Variants in ZNF433 observed in about 807,000 individuals in gnomAD.
The protein encoded by ZNF433 is zinc finger protein 433.
A neutral mutation model predicts 10.6 loss-of-function variants in ZNF433; 12 were observed. The observed-to-expected ratio is 1.13, with a 90% confidence interval of 0.72 to 1.83. The LOEUF (loss-of-function observed/expected upper bound fraction) is 1.83. Ranked by LOEUF, ZNF433 falls within the 40% of genes most tolerant of loss-of-function variation. The pLI is 0.00. For synonymous variants in ZNF433, 272 were observed against 271.3 expected, an observed-to-expected ratio of 1.00 and a Z score of -0.02; for missense variants, 737 against 798.0, an observed-to-expected ratio of 0.92 and a Z score of 0.92.
Position 12,016,443 on chromosome 19 carries a change from A to G in ZNF433, c.415T>C (p.Tyr139His). 6.2e-7 allele frequency: 1 copy of G among 1,614,104 alleles called. No homozygotes were observed. Among genetic ancestry groups the G allele is most frequent in the Non-Finnish European group, 8.5e-7 (1 of 1,180,020 alleles). Reference protein sequence around the residue: ...YEYQEYGQKPYKCKYCKKPFN... With the variant: ...YEYQEYGQKPHKCKYCKKPFN... ...GGTTTTTTACAGTATTTACATTTATATGGTTTCTGTCCATATTCTTGATAC... is the reference window on the plus strand; with the variant it reads ...GGTTTTTTACAGTATTTACATTTATGTGGTTTCTGTCCATATTCTTGATAC... Residue 139 changes from tyrosine (Y) to histidine (H), a missense_variant, in exon 4 of 4, where the codon TAT (tyrosine) becomes CAT (histidine). Transcript: ENST00000550507.
At chr19:12,016,820 T>G (rs1220160937) in intron 3 of ZNF433, among the ~76,000 whole-genome samples, 154 bp from the exon 4 acceptor site, 1 of 152,204 alleles carries the variant, frequency 6.6e-6, no homozygotes, top group Admixed American at 6.5e-5. Flanking sequence ...CTTCGCTTAC[T>G]GCAACTTCCA....
rs564105271 is a variant in ZNF433 at position 12,015,449 on chromosome 19, C to G, written c.1409G>C (p.Arg470Thr). The G allele has an allele frequency of 2.5e-6, 4 of 1,613,964 alleles. No homozygotes were observed. In the South Asian group the frequency reaches 4.4e-5, roughly 18 times the overall value. The change falls in exon 4 of 4, where the codon AGA (arginine) becomes ACA (threonine). Residue 470 changes from arginine (R) to threonine (T), a missense_variant. Arg to Thr is a moderately conservative substitution (Grantham distance 71). Coordinates refer to ENST00000550507, the MANE Select transcript of ZNF433 (RefSeq NM_001308348.2). Reference protein sequence around the residue: ...SFFQIHERMHREEKPYECKGY... With the variant: ...SFFQIHERMHTEEKPYECKGY... ...CTTACATTCATACGGCTTCTCTTCT[C>G]TGTGCATCCTTTCATGTATTTGAAA...
chr19:12,020,560 G>A (rs1974436348), intron 1 of ZNF433, among the ~76,000 whole-genome samples: 1 of 152,168 alleles, frequency 6.6e-6, no homozygotes, highest in South Asian at 2.1e-4. Flanking sequence ...GTCCTTTCGA[G>A]AGAGGAGTGA....
At chr19:12,034,402 A>G (rs1176875953) in intron 1 of ZNF433, among the ~76,000 whole-genome samples, 1 of 152,180 alleles carries the variant, frequency 6.6e-6, no homozygotes, top group Non-Finnish European at 1.5e-5. Flanking sequence ...ACACTTGACT[A>G]CAGATTAACC....
At chr19:12,034,826 A>T (rs1357432707) in intron 1 of ZNF433, 1 of 445,472 alleles carries the variant, frequency 2.2e-6, no homozygotes, top group Non-Finnish European at 4.4e-6. Flanking sequence ...AAAGGAACTT[A>T]CACCTTTCCA....
intron 1 of ZNF433, among the ~76,000 whole-genome samples, chr19:12,031,920 G>GT (rs756604087): frequency 0.016 from 2,179 of 132,860 alleles, 46 homozygotes; most frequent in African/African-American, 0.045. Context: ...GCAAAGAACT[G>GT]TTTTTTTTTT....
rs757711867 is a variant in ZNF433 at position 12,016,032 on chromosome 19, C to T, written c.826G>A (p.Glu276Lys). The change falls in exon 4 of 4, where the codon GAG becomes AAG. Residue 276 changes from glutamate (E) to lysine (K), a missense_variant. By Grantham distance (56) the Glu-to-Lys change is moderately conservative (BLOSUM62 1). Coordinates refer to ENST00000550507, the MANE Select transcript of ZNF433 (RefSeq NM_001308348.2). Reference protein sequence around the residue: ...LHAHKRTHTGEKPYECKQCGK... With the variant: ...LHAHKRTHTGKKPYECKQCGK... ...CACTGTTTACATTCATATGGCTTCT[C>T]CCCAGTGTGAGTTCTTTTATGAGCA... The T allele has an allele frequency of 1.2e-6, 2 of 1,613,880 alleles. No individual in the cohort carries two copies. The highest frequency in any genetic ancestry group is 2.7e-5 in the African/African-American group (2 of 74,884).
chr19:12,021,900 T>C (rs750578119), intron 1 of ZNF433: 8 of 453,668 alleles, frequency 1.8e-5, no homozygotes, highest in South Asian at 1.1e-4. Flanking sequence ...GTGCACTATT[T>C]CCCAGACAGG....
chr19:12,034,284 A>G (rs1252118153), intron 1 of ZNF433, among the ~76,000 whole-genome samples: 1 of 152,228 alleles, frequency 6.6e-6, no homozygotes, highest in Non-Finnish European at 1.5e-5. Context: ...GAAAATAAGT[A>G]ATTCAAAAAT....
Position 12,015,205 on chromosome 19 carries a change from C to A in ZNF433, c.1653G>T (p.Arg551Ser). The A allele has an allele frequency of 6.2e-7, 1 of 1,612,968 alleles. No individual in the cohort carries two copies. The highest frequency in any genetic ancestry group is 8.5e-7 in the Non-Finnish European group (1 of 1,179,608). The change falls in exon 4 of 4, where the codon AGG (arginine) becomes AGT (serine). Residue 551 changes from arginine (R) to serine (S), a missense_variant. By Grantham distance (110) the Arg-to-Ser change is moderately radical. Coordinates refer to ENST00000550507, the MANE Select transcript of ZNF433 (RefSeq NM_001308348.2). ...RSASQLQIHG[R>S]THTGEKPYEC... is the part of the protein sequence containing the mutation. ...CATAAGGTTTCTCTCCAGTGTGAGT[C>A]CTTCCATGAATTTGAAGCTGTGAGG... is the stretch of plus-strand genomic sequence containing the variant.
intron 1 of ZNF433, among the ~76,000 whole-genome samples, chr19:12,030,505 C>T (rs990412557): frequency 1.3e-5 from 2 of 152,152 alleles, no homozygotes; most frequent in African/African-American, 4.8e-5. Context: ...CAGGCGTGAG[C>T]CACCATGCCC....
Position 12,031,193 on chromosome 19 carries a change from G to A in ZNF433, c.3+4344C>T, listed in dbSNP as rs566537622. Among the ~76,000 whole-genome samples the A allele has an allele frequency of 1.7e-4, 26 of 152,022 alleles. No homozygotes were observed. The East Asian group carries it at 4.6e-3, about 27-fold the overall frequency. ...TGCCTGTAGTCCCAGCTACTTGGGA[G>A]GCTGAGGCAGGAGATTTGCTTGAAC... On this transcript the variant is annotated intron_variant, in intron 1 of 3. Transcript: ENST00000550507.
intron 1 of ZNF433, chr19:12,027,178 A>C (rs1270455858): frequency 2.4e-6 from 1 of 419,814 alleles, no homozygotes. Context: ...TTAACCCATT[A>C]AAATAGATAA....
At chr19:12,028,047 A>C (rs1172233939) in intron 1 of ZNF433, 3 of 151,798 alleles carry the variant, frequency 2.0e-5, no homozygotes, top group Non-Finnish European at 4.4e-5. Context: ...TGTTTTTTTC[A>C]ATTTTGTTTT....
At chr19:12,034,421 G>C (rs1335318782) in intron 1 of ZNF433, among the ~76,000 whole-genome samples, 1 of 152,164 alleles carries the variant, frequency 6.6e-6, no homozygotes, top group Non-Finnish European at 1.5e-5. Flanking sequence ...CCATCAGACA[G>C]GCTTCACTAT....
chr19:12,017,945 CACA>C lies in ZNF433; in HGVS notation c.131-12_131-10del, dbSNP rs755635113. ...GGGTTTCCATTTTTTCCCTACAACACACAACAAGGAAAATAATCTTGAATTAGT... is the reference window on the plus strand; with the variant it reads ...GGGTTTCCATTTTTTCCCTACAACACACAAGGAAAATAATCTTGAATTAGT... On this transcript the variant is annotated splice_polypyrimidine_tract_variant and intron_variant, in intron 2 of 3. Coordinates refer to ENST00000550507, the MANE Select transcript of ZNF433 (RefSeq NM_001308348.2). 5 of 1,565,216 alleles carry C rather than the reference CACA, an allele frequency of 3.2e-6. No homozygotes were observed. The South Asian group carries it at 6.0e-5, about 19-fold the overall frequency.
chr19:12,018,335 C>A (rs1974319392), intron 1 of ZNF433, 43 bp from the exon 2 acceptor site: 13 of 1,589,210 alleles, frequency 8.2e-6, no homozygotes, highest in Non-Finnish European at 1.1e-5. Flanking sequence ...ATAAGACTAA[C>A]ATCACTGGGA....
intron 1 of ZNF433, among the ~76,000 whole-genome samples, chr19:12,022,630 A>G (rs1471161813): frequency 6.6e-6 from 1 of 152,190 alleles, no homozygotes; most frequent in African/African-American, 2.4e-5. Context: ...CGTGGTAAGA[A>G]GGGGAGCTTG....
intron 1 of ZNF433, among the ~76,000 whole-genome samples, chr19:12,031,155 A>G (rs999604053): frequency 7.2e-5 from 11 of 151,776 alleles, no homozygotes; most frequent in African/African-American, 2.7e-4. Flanking sequence ...AATTAGCTGG[A>G]TGTGGTAGTG....
Sources: allele counts gnomAD v4.1 joint callset (sites outside exome capture counted in the v4.1 genomes callset), GRCh38; gene constraint gnomAD v4.1.1; transcripts MANE v1.5; gene names NCBI Gene and HGNC (gene_info 2026-07-23, HGNC 2026-07-21).